ZNF730: variants seen among roughly 807,000 people sequenced by gnomAD.
ZNF730 encodes putative zinc finger protein 730.
In ZNF730, 12 loss-of-function variants were observed where a neutral mutation model predicts 12.6. The observed-to-expected ratio is 0.95, with a 90% CI of 0.61 to 1.54. The LOEUF (loss-of-function observed/expected upper bound fraction) is 1.54. Ranked by LOEUF, ZNF730 falls within the 40% of genes most tolerant of loss-of-function variation. The pLI is 0.00. For synonymous variants in ZNF730, 194 were observed against 195.8 expected (o/e 0.99, Z 0.08); for missense variants, 643 against 583.5 (o/e 1.10, Z -1.05).
intron 1 of ZNF730, among the ~76,000 whole-genome samples, chr19:23,121,568 C>G (rs1043020725): frequency 1.5e-4 from 23 of 152,172 alleles, no homozygotes; most frequent in African/African-American, 5.5e-4. Context: ...TCTTGAACTC[C>G]TGACCTCGTG....
chr19:23,081,793 C>T (rs922861616), intron 1 of ZNF730, among the ~76,000 whole-genome samples: 20 of 152,190 alleles, frequency 1.3e-4, no homozygotes, highest in Admixed American at 2.0e-4. Flanking sequence ...GACTCTTGTT[C>T]TGTCACCCAG....
intron 1 of ZNF730, among the ~76,000 whole-genome samples, chr19:23,092,368 G>A (rs1970173460): frequency 6.6e-6 from 1 of 152,042 alleles, no homozygotes; most frequent in Admixed American, 6.5e-5. Context: ...GCCGAGGCAG[G>A]CGAATCACCT....
intron 1 of ZNF730, among the ~76,000 whole-genome samples, chr19:23,084,371 A>T (rs1473351999): frequency 7.9e-5 from 12 of 151,350 alleles, no homozygotes; most frequent in Non-Finnish European, 2.9e-5. Flanking sequence ...TTGCGCTTTT[A>T]AAAAAAATGT....
chr19:23,118,387 A>G (rs1429386846), intron 1 of ZNF730, among the ~76,000 whole-genome samples: 1 of 126,286 alleles, frequency 7.9e-6, no homozygotes, highest in Non-Finnish European at 1.7e-5. Context: ...TTGTTTTTTT[A>G]ATTTTTATGG....
intron 3 of ZNF730, among the ~76,000 whole-genome samples, chr19:23,137,679 A>G (rs934338630): frequency 6.6e-6 from 1 of 152,204 alleles, no homozygotes; most frequent in Non-Finnish European, 1.5e-5. Flanking sequence ...TAAGAAGCAA[A>G]CACCTCTTCA....
intron 1 of ZNF730, among the ~76,000 whole-genome samples, chr19:23,080,941 G>T (rs1290851185): frequency 6.7e-6 from 1 of 148,976 alleles, no homozygotes; most frequent in African/African-American, 2.5e-5. Context: ...TGCCTCCCAG[G>T]TTCTAGCGAT....
upstream of ZNF730, among the ~76,000 whole-genome samples, chr19:23,115,304 G>T (rs1970505644): frequency 6.6e-6 from 1 of 152,084 alleles, no homozygotes; most frequent in South Asian, 2.1e-4. Context: ...TGGGTCTTTG[G>T]ACAAGTTTCT....
chr19:23,141,253 G>A (rs1035894591), intron 3 of ZNF730, among the ~76,000 whole-genome samples: 12 of 151,966 alleles, frequency 7.9e-5, no homozygotes, highest in African/African-American at 2.9e-4. Context: ...AAATTAGCCG[G>A]GTGTGGTGGC....
intron 1 of ZNF730, among the ~76,000 whole-genome samples, chr19:23,118,280 T>TA (rs530175061): frequency 6.6e-4 from 100 of 152,096 alleles, no homozygotes; most frequent in Non-Finnish European, 1.2e-3. Context: ...CACTGTATTG[T>TA]AAAAAAATCT....
chr19:23,092,531 G>A (rs1970175740), intron 1 of ZNF730, among the ~76,000 whole-genome samples: 1 of 152,160 alleles, frequency 6.6e-6, no homozygotes, highest in African/African-American at 2.4e-5. Context: ...AGAGGTTGCG[G>A]TGAGCCAAGA....
In ZNF730 at chr19:23,085,836, C is replaced by CTTTTTTTTTTTTTTTT. The variant is rs556123915; in HGVS notation, c.-94+10461_-94+10476dup. Reference sequence around the variant, plus strand: ...GACCTATTTCACCCAATTTTTTTTTCTTTTTTTTTTTTTTTTTTTTTTTTT... The same window carrying CTTTTTTTTTTTTTTTT: ...GACCTATTTCACCCAATTTTTTTTTCTTTTTTTTTTTTTTTTTTTTTTTTTTTTTTTTTTTTTTTTT... On this transcript the variant is annotated intron_variant, in intron 1 of 2. Transcript: ENST00000593635. 1.7e-3 allele frequency among the ~76,000 whole-genome samples: 91 copies of CTTTTTTTTTTTTTTTT among 54,856 alleles called. 21 individuals carry two copies. The highest frequency in any genetic ancestry group is 2.7e-3 in the African/African-American group (33 of 12,034). 36.0% of individuals were successfully genotyped at this position (54,856 alleles called of 152,430 possible).
intron 2 of ZNF730, among the ~76,000 whole-genome samples, chr19:23,135,095 C>G (rs923143001): frequency 7.2e-6 from 1 of 138,890 alleles, no homozygotes; most frequent in Non-Finnish European, 1.5e-5. Flanking sequence ...TGTGGAAGGC[C>G]GCAGGGTCCT....
At chr19:23,079,657 G>A (rs1269158221) in intron 1 of ZNF730, among the ~76,000 whole-genome samples, 1 of 152,082 alleles carries the variant, frequency 6.6e-6, no homozygotes, top group Non-Finnish European at 1.5e-5. Context: ...GACATTATTA[G>A]GTGTACAGTT....
chr19:23,083,546 G>A (rs1970004101), intron 1 of ZNF730, among the ~76,000 whole-genome samples: 2 of 151,266 alleles, frequency 1.3e-5, no homozygotes, highest in Non-Finnish European at 2.9e-5. Context: ...TTACACTCCC[G>A]CCAACAGTGT....
At chr19:23,089,995 C>G (rs1388057005) in intron 1 of ZNF730, among the ~76,000 whole-genome samples, 1 of 152,152 alleles carries the variant, frequency 6.6e-6, no homozygotes, top group African/African-American at 2.4e-5. Flanking sequence ...TGCCTGTAAT[C>G]CCAGCACTTT....
chr19:23,128,867 G>A (rs903980081), intron 1 of ZNF730, among the ~76,000 whole-genome samples: 65 of 152,280 alleles, frequency 4.3e-4, no homozygotes, highest in African/African-American at 1.5e-3. Context: ...ACGGCTTTGT[G>A]GGTCAGGCCC....
upstream of ZNF730, among the ~76,000 whole-genome samples, chr19:23,112,527 GCCT>G (rs1970471675): frequency 5.3e-5 from 8 of 152,072 alleles, no homozygotes; most frequent in Admixed American, 3.3e-4. Flanking sequence ...TTTGAGACCA[GCCT>G]GACCAACATA....
chr19:23,133,336 GTTTTTT>G (rs554836444), intron 1 of ZNF730, among the ~76,000 whole-genome samples: 365 of 151,636 alleles, frequency 2.4e-3, no homozygotes, highest in African/African-American at 3.4e-3. Flanking sequence ...TGTTTTTTTT[GTTTTTT>G]TTTTGTTTTT....
chr19:23,080,847 CTTTTTTT>C (rs552923947), intron 1 of ZNF730, among the ~76,000 whole-genome samples: 1 of 125,068 alleles, frequency 8.0e-6, no homozygotes, highest in Non-Finnish European at 1.6e-5. Flanking sequence ...TTTTTCTTTT[CTTTTTTT>C]TTTTTTTTTG....
Sources: allele counts gnomAD v4.1 joint callset (sites outside exome capture counted in the v4.1 genomes callset), GRCh38; gene constraint gnomAD v4.1.1; transcripts MANE v1.5; gene names NCBI Gene and HGNC (gene_info 2026-07-23, HGNC 2026-07-21).